Variants in APLF observed in about 807,000 individuals in gnomAD.
APLF encodes the protein aprataxin and PNKP like factor.
Under a neutral mutation model 55.6 loss-of-function variants are expected in APLF, and 61 were observed. That is an observed-to-expected ratio of 1.10 (90% CI 0.89 to 1.36). The LOEUF is 1.36. Among genes scored for constraint, APLF ranks in the 40% most tolerant of loss-of-function variants. The pLI is 0.00. For synonymous variants in APLF, 207 were observed against 214.8 expected (o/e 0.96, Z 0.32); for missense variants, 611 against 602.5 (o/e 1.01, Z -0.15).
At chr2:68,535,605 T>C (rs1359529034) in intron 6 of APLF, among the ~76,000 whole-genome samples, 1 of 136,370 alleles carries the variant, frequency 7.3e-6, no homozygotes, top group Non-Finnish European at 1.6e-5. Flanking sequence ...GCTGTGCTCT[T>C]TTTTTTTTTT....
chr2:68,470,321 A>C (rs1675577773), intron 1 of APLF, among the ~76,000 whole-genome samples: 2 of 152,218 alleles, frequency 1.3e-5, no homozygotes, highest in South Asian at 4.1e-4. Context: ...ATTAGGCAGC[A>C]GGGCAGAAGG....
At chr2:68,492,314 T>C (rs1487910955) in intron 2 of APLF, among the ~76,000 whole-genome samples, 1 of 152,000 alleles carries the variant, frequency 6.6e-6, no homozygotes. Flanking sequence ...CCGTCTCTAC[T>C]AAAAATACAA....
intron 3 of APLF, among the ~76,000 whole-genome samples, chr2:68,506,342 A>G (rs1426627210): frequency 6.7e-6 from 1 of 150,364 alleles, no homozygotes; most frequent in Admixed American, 6.6e-5. Flanking sequence ...CAGCTGCCTG[A>G]TTTCCAGAGA....
At chr2:68,567,725 A>G (rs1441061520) in intron 9 of APLF, among the ~76,000 whole-genome samples, 2 of 152,046 alleles carry the variant, frequency 1.3e-5, no homozygotes, top group African/African-American at 2.4e-5. Flanking sequence ...TAGATAAGCT[A>G]TATTGCTTTG....
chr2:68,479,144 G>A (rs1675873537), intron 1 of APLF, among the ~76,000 whole-genome samples: 1 of 152,086 alleles, frequency 6.6e-6, no homozygotes, highest in African/African-American at 2.4e-5. Context: ...CTAGATGAGG[G>A]AATCATAAGG....
At chr2:68,483,296 A>G (rs1676021970) in intron 1 of APLF, among the ~76,000 whole-genome samples, 1 of 152,186 alleles carries the variant, frequency 6.6e-6, no homozygotes, top group African/African-American at 2.4e-5. Flanking sequence ...CTCCTGTAGT[A>G]AGGACTGCAA....
At chr2:68,468,482 T>A (rs911213461) in intron 1 of APLF, among the ~76,000 whole-genome samples, 1 of 152,220 alleles carries the variant, frequency 6.6e-6, no homozygotes, top group African/African-American at 2.4e-5. Flanking sequence ...CCGTATCAGT[T>A]AGCTATTTTT....
chr2:68,518,148 T>G (rs993945651), intron 5 of APLF, among the ~76,000 whole-genome samples: 1 of 126,746 alleles, frequency 7.9e-6, no homozygotes, highest in African/African-American at 3.0e-5. Context: ...TATAATAATA[T>G]ATTATTAATG....
At position 68,513,565 on chromosome 2, in the gene APLF, T is replaced by C. The variant is rs1221754130; in HGVS notation, c.507T>C (p.Asn169=). 1 of 1,611,104 alleles carries C rather than the reference T, an allele frequency of 6.2e-7. No homozygotes were observed. The part of the protein sequence containing the change: ...PTNSVSFLGE[N]RDCNKQQPIL... ...CTTTTTAGTCTTTCCTAGGTGAAAA[T>C]AGAGACTGCAATAAGCAGCAGCCAA... Residue 169 remains asparagine, a synonymous_variant, in exon 5 of 10, where the codon AAT becomes AAC. Coordinates refer to ENST00000303795, the MANE Select transcript of APLF (RefSeq NM_173545.3).
intron 2 of APLF, among the ~76,000 whole-genome samples, chr2:68,496,128 G>A (rs1024041501): frequency 5.3e-5 from 8 of 152,196 alleles, no homozygotes; most frequent in African/African-American, 1.9e-4. Flanking sequence ...TTGAGATGGA[G>A]TCTTGCTGTG....
At chr2:68,476,496 A>G (rs1015765572) in intron 1 of APLF, among the ~76,000 whole-genome samples, 8 of 149,952 alleles carry the variant, frequency 5.3e-5, no homozygotes, top group Non-Finnish European at 1.0e-4. Context: ...AAAAAAAAAA[A>G]GTAGGAATTT....
intron 7 of APLF, among the ~76,000 whole-genome samples, chr2:68,542,480 T>C (rs1224484214): frequency 6.7e-6 from 1 of 149,808 alleles, no homozygotes; most frequent in Non-Finnish European, 1.5e-5. Flanking sequence ...CAATTTGAAA[T>C]TGGGGACAGA....
chr2:68,559,838 C>T (rs992141721), intron 8 of APLF, among the ~76,000 whole-genome samples: 1 of 152,076 alleles, frequency 6.6e-6, no homozygotes, highest in African/African-American at 2.4e-5. Context: ...AAAGATAAGT[C>T]GTTTCATGGT....
intron 5 of APLF, among the ~76,000 whole-genome samples, chr2:68,519,976 C>T (rs754957318): frequency 1.3e-5 from 2 of 151,744 alleles, no homozygotes; most frequent in African/African-American, 2.4e-5. Flanking sequence ...ACACCAACAT[C>T]TATTATGTTT....
chr2:68,480,841 A>G (rs1002042038), intron 1 of APLF, among the ~76,000 whole-genome samples: 10 of 152,242 alleles, frequency 6.6e-5, no homozygotes, highest in Non-Finnish European at 1.3e-4. Context: ...GAATTATATC[A>G]AATATTTTTT....
rs1671625821 is a variant in APLF at position 68,576,427 on chromosome 2, TG to T, written c.1334-1392del. On this transcript the variant is annotated intron_variant, in intron 9 of 9. Transcript: ENST00000303795. ...TGCAAGATTTTCCTTAAGGAACTGG[TG>T]AGCTTCCTACTATAATGATAATTGG... Among the ~76,000 whole-genome samples, 9 of 152,316 alleles carry T rather than the reference TG, an allele frequency of 5.9e-5. No individual in the cohort carries two copies. In the South Asian group the frequency reaches 1.9e-3, roughly 32 times the overall value.
At chr2:68,531,590 A>G (rs1670258530) in intron 6 of APLF, among the ~76,000 whole-genome samples, 1 of 152,240 alleles carries the variant, frequency 6.6e-6, no homozygotes, top group Non-Finnish European at 1.5e-5. Flanking sequence ...AAATGAAAAC[A>G]AAATGTTTTC....
intron 7 of APLF, among the ~76,000 whole-genome samples, chr2:68,542,776 A>AT (rs1172596304): frequency 1.3e-5 from 2 of 152,176 alleles, no homozygotes; most frequent in African/African-American, 4.8e-5. Context: ...TAAAGATAGA[A>AT]TTACCCTATT....
chr2:68,572,849 A>G (rs1339557096), intron 9 of APLF, among the ~76,000 whole-genome samples: 2 of 152,158 alleles, frequency 1.3e-5, no homozygotes, highest in Non-Finnish European at 2.9e-5. Context: ...AACAAAACAA[A>G]ACAAAACAAA....
Sources: allele counts gnomAD v4.1 joint callset (sites outside exome capture counted in the v4.1 genomes callset), GRCh38; gene constraint gnomAD v4.1.1; transcripts MANE v1.5; gene names NCBI Gene and HGNC (gene_info 2026-07-23, HGNC 2026-07-21).